GTPBP10: variants seen among roughly 807,000 people sequenced by gnomAD.
GTPBP10 encodes GTP-binding protein 10.
In GTPBP10, 38 loss-of-function variants were observed where a neutral mutation model predicts 44.8. The ratio of observed to expected loss-of-function variants is 0.85; its 90% CI spans 0.65 to 1.11. The LOEUF is 1.11. Ranked by LOEUF, GTPBP10 falls within the 50% of genes most tolerant of loss-of-function variation. The pLI is 0.00. For synonymous variants in GTPBP10, 152 were observed against 150.6 expected (o/e 1.01, Z -0.07); for missense variants, 462 against 453.7 (o/e 1.02, Z -0.17).
intron 1 of GTPBP10, among the ~76,000 whole-genome samples, chr7:90,349,048 T>G (rs1474173629): frequency 6.6e-6 from 1 of 152,186 alleles, no homozygotes; most frequent in Non-Finnish European, 1.5e-5. Flanking sequence ...TTTCCCGCCG[T>G]TTTTGGCATA....
chr7:90,348,304 T>C (rs965158305), intron 1 of GTPBP10, among the ~76,000 whole-genome samples: 5 of 152,152 alleles, frequency 3.3e-5, no homozygotes, highest in Non-Finnish European at 7.4e-5. Context: ...GGGTTAGAGA[T>C]GCCCCCGCCA....
At chr7:90,360,881 T>G (rs1796004882) in intron 4 of GTPBP10, among the ~76,000 whole-genome samples, 1 of 152,164 alleles carries the variant, frequency 6.6e-6, no homozygotes, top group African/African-American at 2.4e-5. Flanking sequence ...CCTAGCTATT[T>G]TATTCTCTTT....
intron 1 of GTPBP10, among the ~76,000 whole-genome samples, chr7:90,348,115 G>A (rs1417877012): frequency 2.0e-5 from 3 of 152,180 alleles, no homozygotes; most frequent in African/African-American, 4.8e-5. Flanking sequence ...GGAGGCTGAA[G>A]TGGGAGAATT....
In GTPBP10 at chr7:90,346,900, T is replaced by C. The variant is rs1795687065; in HGVS notation, c.33+126T>C. 1.7e-5 allele frequency: 17 copies of C among 1,009,916 alleles called. No individual in the cohort carries two copies. The South Asian group carries it at 2.0e-4, about 12-fold the overall frequency. 62.6% of individuals were successfully genotyped at this position (1,009,916 alleles called of 1,614,324 possible). A position where few individuals can be genotyped will look rare whatever the true frequency, so the allele number is the denominator to read the frequency against. ...CTTGCTTGGTTTTCCCATAGACTTC[T>C]CCGCCCCTCCTGTAGTGGCGCTTTG... On this transcript the variant is annotated intron_variant, in intron 1 of 9. Transcript: ENST00000222511.
At chr7:90,374,985 C>T (rs1184644969) in intron 6 of GTPBP10, among the ~76,000 whole-genome samples, 2 of 152,076 alleles carry the variant, frequency 1.3e-5, no homozygotes, top group African/African-American at 2.4e-5. Context: ...AGATATCTTT[C>T]AGTAGGTGAA....
intron 4 of GTPBP10, among the ~76,000 whole-genome samples, chr7:90,364,409 C>T (rs887617072): frequency 2.0e-5 from 3 of 152,098 alleles, no homozygotes; most frequent in South Asian, 2.1e-4. Context: ...CACTCCAGAC[C>T]GTTTGCCTGG....
intron 4 of GTPBP10, among the ~76,000 whole-genome samples, chr7:90,361,352 A>G (rs1230258535): frequency 6.6e-6 from 1 of 152,160 alleles, no homozygotes; most frequent in East Asian, 1.9e-4. Flanking sequence ...AGAGCTGTTG[A>G]ATTTTGTCAA....
intron 2 of GTPBP10, 100 bp from the exon 3 acceptor site, chr7:90,354,358 A>C: frequency 2.0e-6 from 1 of 503,120 alleles, no homozygotes; most frequent in Non-Finnish European, 3.4e-6. Context: ...TAACCAGAGA[A>C]TTGATTGCTA....
chr7:90,373,874 T>G (rs1398775177), intron 5 of GTPBP10, among the ~76,000 whole-genome samples: 6 of 152,212 alleles, frequency 3.9e-5, no homozygotes, highest in African/African-American at 1.4e-4. Context: ...AGGGTCTAGC[T>G]ATGTCACCCA....
rs139813330 is a variant in GTPBP10 at position 90,346,786 on chromosome 7, T to TC, written c.33+16dup. On this transcript the variant is annotated intron_variant, in intron 1 of 9. Coordinates refer to ENST00000222511, the MANE Select transcript of GTPBP10 (RefSeq NM_033107.4). ...TGTTGTTCAGAAAGGTCCGTGCGGG[T>TC]CCCCTCAGCCTGGTCCCCTTAGCGC... 528 of 1,613,866 alleles carry TC rather than the reference T, an allele frequency of 3.3e-4. 2 individuals carry two copies. The African/African-American group carries it at 6.1e-3, about 19-fold the overall frequency.
At chr7:90,364,521 G>C (rs956548971) in intron 4 of GTPBP10, among the ~76,000 whole-genome samples, 8 of 152,198 alleles carry the variant, frequency 5.3e-5, no homozygotes, top group Admixed American at 2.0e-4. Context: ...ACCTGGCTAT[G>C]TAAGGTGTCA....
rs1356498041 is a variant in GTPBP10, at chr7:90,389,396, T to G, written c.*4242T>G. On this transcript the variant is annotated 3_prime_UTR_variant, in exon 10 of 10. Transcript: ENST00000222511. ...AGCCTAAAAAATTTGAATTTTTTTTTTTCCCCCCCCAGACGGAGTCTCGCT... is the reference window on the plus strand; with the variant it reads ...AGCCTAAAAAATTTGAATTTTTTTTGTTCCCCCCCCAGACGGAGTCTCGCT... The G allele has an allele frequency of 1.4e-5, 2 of 143,292 alleles. No individual in the cohort carries two copies. The highest frequency in any genetic ancestry group is 1.6e-5 in the Non-Finnish European group (1 of 64,252). The allele number at this position is 143,292 out of a possible 1,614,324, so 8.9% of individuals were successfully genotyped here. A position where few individuals can be genotyped will look rare whatever the true frequency, so the allele number is the denominator to read the frequency against.
At chr7:90,349,742 G>A (rs1795751273) in intron 1 of GTPBP10, among the ~76,000 whole-genome samples, 1 of 152,084 alleles carries the variant, frequency 6.6e-6, no homozygotes, top group South Asian at 2.1e-4. Flanking sequence ...GTCTTTTGTA[G>A]CATGTTTTCC....
chr7:90,371,524 A>C (rs1317150004), intron 4 of GTPBP10, among the ~76,000 whole-genome samples: 1 of 152,192 alleles, frequency 6.6e-6, no homozygotes, highest in Non-Finnish European at 1.5e-5. Context: ...AAGACTTTGG[A>C]AAAGAAACTC....
chr7:90,378,830 G>T (rs1796389397), intron 8 of GTPBP10, among the ~76,000 whole-genome samples: 1 of 152,038 alleles, frequency 6.6e-6, no homozygotes, highest in South Asian at 2.1e-4. Context: ...AGCCTCCCGA[G>T]TAGCTGGGAT....
intron 1 of GTPBP10, among the ~76,000 whole-genome samples, chr7:90,350,492 C>T (rs893974292): frequency 2.0e-5 from 3 of 151,664 alleles, no homozygotes; most frequent in Non-Finnish European, 4.4e-5. Context: ...CTTCCACAGT[C>T]AAACCTCCTT....
chr7:90,382,896 A>G (rs1796456917), intron 8 of GTPBP10, 60 bp from the exon 9 acceptor site: 1 of 1,201,168 alleles, frequency 8.3e-7, no homozygotes, highest in East Asian at 2.6e-5. Context: ...TAATTACCAA[A>G]TAAGTAGTTT....
chr7:90,354,487 A>G lies in GTPBP10; in HGVS notation c.257A>G (p.Lys86Arg), dbSNP rs1164311783. The change falls in exon 3 of 10, where the codon AAA (lysine) becomes AGA (arginine). Residue 86 changes from lysine (K) to arginine (R), a missense_variant. By Grantham distance (26) the Lys-to-Arg change is conservative. Coordinates refer to ENST00000222511, the MANE Select transcript of GTPBP10 (RefSeq NM_033107.4). ...KISALKGSKG[K>R]DCEIPVPVGI... Reference sequence around the variant, plus strand: ...AGTGCACTGAAAGGCTCCAAAGGAAAAGACTGTGAAATCCCTGTGCCTGTG... The same window carrying G: ...AGTGCACTGAAAGGCTCCAAAGGAAGAGACTGTGAAATCCCTGTGCCTGTG... 1 of 1,590,456 alleles carries G rather than the reference A, an allele frequency of 6.3e-7. No individual in the cohort carries two copies. The highest frequency in any genetic ancestry group is 8.6e-7 in the Non-Finnish European group (1 of 1,168,238).
chr7:90,352,237 G>A (rs1462900546), intron 1 of GTPBP10, among the ~76,000 whole-genome samples: 9 of 152,142 alleles, frequency 5.9e-5, no homozygotes, highest in Admixed American at 5.9e-4. Context: ...TAGTCTCAAT[G>A]AATATGTAAA....
Sources: gnomAD v4.1 joint callset for allele counts (sites outside exome capture counted in the v4.1 genomes callset) on GRCh38, gnomAD v4.1.1 for gene constraint, MANE v1.5 for transcripts, NCBI Gene and HGNC (gene_info 2026-07-23, HGNC 2026-07-21) for gene names.